TMEM135: variants seen among roughly 807,000 people sequenced by gnomAD.
TMEM135 encodes peroxisomal membrane protein 52.
In TMEM135, 30 loss-of-function variants were observed where a neutral mutation model predicts 60.3. The observed-to-expected ratio is 0.50, with a 90% CI of 0.37 to 0.68. The LOEUF is 0.68. TMEM135 is among the 30% of genes least tolerant of loss of function. The pLI is 0.00. For synonymous variants in TMEM135, 190 were observed against 186.7 expected, an observed-to-expected ratio of 1.02 and a Z score of -0.14; for missense variants, 468 against 548.8, an observed-to-expected ratio of 0.85 and a Z score of 1.47.
intron 1 of TMEM135, among the ~76,000 whole-genome samples, chr11:87,042,099 C>T (rs557360320): frequency 9.8e-5 from 15 of 152,326 alleles, no homozygotes; most frequent in South Asian, 2.1e-4. Flanking sequence ...CGTGTATACA[C>T]GGGAGCCTTC....
Position 87,122,900 on chromosome 11 carries a change from C to T in TMEM135, c.396+31505C>T, listed in dbSNP as rs78698223. ...CTCCCTTAAACATTAATGCTGAAGT[C>T]CAGAAGTTGAGTAACTTTTTCTATT... On this transcript the variant is annotated intron_variant, in intron 4 of 14. Coordinates refer to ENST00000305494, the MANE Select transcript of TMEM135 (RefSeq NM_022918.4). 1.6e-4 allele frequency among the ~76,000 whole-genome samples: 25 copies of T among 152,274 alleles called. No homozygotes were observed. In the East Asian group the frequency reaches 4.6e-3, roughly 28 times the overall value.
At chr11:87,210,231 G>A (rs543610209) in intron 5 of TMEM135, among the ~76,000 whole-genome samples, 5 of 152,204 alleles carry the variant, frequency 3.3e-5, no homozygotes, top group East Asian at 1.9e-4. Flanking sequence ...CCAAAAGTTC[G>A]TTCTTTGAAA....
intron 4 of TMEM135, among the ~76,000 whole-genome samples, chr11:87,147,007 A>T (rs1938434009): frequency 6.6e-6 from 1 of 152,138 alleles, no homozygotes; most frequent in South Asian, 2.1e-4. Context: ...TGCCTACGTG[A>T]TTAAAGGTAT....
chr11:87,317,586 T>C (rs1489872899), intron 12 of TMEM135, among the ~76,000 whole-genome samples: 1 of 152,138 alleles, frequency 6.6e-6, no homozygotes, highest in Non-Finnish European at 1.5e-5. Flanking sequence ...ATTCTTTTTA[T>C]GGCAATTCAG....
chr11:87,133,805 T>C (rs1308845119), intron 4 of TMEM135, among the ~76,000 whole-genome samples: 1 of 152,206 alleles, frequency 6.6e-6, no homozygotes, highest in East Asian at 1.9e-4. Context: ...CTCTCTTTTT[T>C]TATCTGGCCT....
chr11:87,308,116 C>A (rs1942582480), intron 9 of TMEM135, among the ~76,000 whole-genome samples: 1 of 152,028 alleles, frequency 6.6e-6, no homozygotes, highest in Non-Finnish European at 1.5e-5. Flanking sequence ...TAGTTGTTTT[C>A]TTTTCCAGTA....
At chr11:87,321,038 G>C (rs1166582187) in intron 14 of TMEM135, among the ~76,000 whole-genome samples, 163 bp from the exon 15 acceptor site, 1 of 152,028 alleles carries the variant, frequency 6.6e-6, no homozygotes, top group South Asian at 2.1e-4. Context: ...AGTGTATCTC[G>C]AAGAAGAGCC....
At chr11:87,043,289 C>T (rs796434022) in intron 1 of TMEM135, among the ~76,000 whole-genome samples, 1 of 151,816 alleles carries the variant, frequency 6.6e-6, no homozygotes, top group African/African-American at 2.4e-5. Context: ...CAGATTCTTA[C>T]ATATTTTGTG....
intron 6 of TMEM135, among the ~76,000 whole-genome samples, chr11:87,289,559 C>T (rs756774349): frequency 1.4e-5 from 2 of 146,832 alleles, no homozygotes; most frequent in Non-Finnish European, 3.0e-5. Context: ...CAGGTTCAAC[C>T]GATTCTCCTG....
intron 14 of TMEM135, among the ~76,000 whole-genome samples, chr11:87,320,066 CATT>C (rs1230221894): frequency 6.6e-6 from 1 of 152,086 alleles, no homozygotes; most frequent in Non-Finnish European, 1.5e-5. Flanking sequence ...GAATTGCTAT[CATT>C]ATTAATAATA....
chr11:87,242,754 C>T, intron 6 of TMEM135, among the ~76,000 whole-genome samples: 1 of 138,762 alleles, frequency 7.2e-6, no homozygotes, highest in African/African-American at 2.7e-5. Context: ...GGATATTAGC[C>T]CTTTGTCAGA....
chr11:87,037,964 G>A lies in TMEM135; in HGVS notation c.-82G>A. 2 of 1,598,768 alleles carry A rather than the reference G, an allele frequency of 1.3e-6. No individual in the cohort carries two copies. The highest frequency in any genetic ancestry group is 1.7e-6 in the Non-Finnish European group (2 of 1,174,558). ...GCACCTCCGAGTGCTGGCCGGGCGA[G>A]AGGCTGGCGGCTGGGCTCTCGCGCC... On this transcript the variant is annotated 5_prime_UTR_variant, in exon 1 of 15. Coordinates refer to ENST00000305494, the MANE Select transcript of TMEM135 (RefSeq NM_022918.4).
At chr11:87,267,064 A>T (rs1430155868) in intron 6 of TMEM135, among the ~76,000 whole-genome samples, 1 of 152,142 alleles carries the variant, frequency 6.6e-6, no homozygotes, top group Non-Finnish European at 1.5e-5. Flanking sequence ...GATAAGGAGG[A>T]TAGTGAGAAG....
intron 4 of TMEM135, among the ~76,000 whole-genome samples, chr11:87,144,756 T>G (rs202001007): frequency 2.0e-5 from 1 of 49,356 alleles, no homozygotes; most frequent in African/African-American, 1.2e-4. Context: ...CTTTCAAGAG[T>G]TTTTTTTTTT....
At chr11:87,119,992 A>C (rs928308684) in intron 4 of TMEM135, among the ~76,000 whole-genome samples, 4 of 152,172 alleles carry the variant, frequency 2.6e-5, no homozygotes, top group African/African-American at 4.8e-5. Flanking sequence ...AGGACTGAAA[A>C]TATTCATTTG....
intron 3 of TMEM135, among the ~76,000 whole-genome samples, chr11:87,073,646 A>G (rs1166157399): frequency 1.3e-5 from 2 of 152,058 alleles, no homozygotes; most frequent in African/African-American, 4.8e-5. Context: ...AAATAATGAT[A>G]ATCTATTTGT....
chr11:87,087,115 T>A (rs979956080), intron 3 of TMEM135, among the ~76,000 whole-genome samples: 1 of 151,946 alleles, frequency 6.6e-6, no homozygotes, highest in Non-Finnish European at 1.5e-5. Context: ...GGCCTGAAGG[T>A]GAGAAGAGAC....
At chr11:87,255,612 G>A (rs1319266480) in intron 6 of TMEM135, among the ~76,000 whole-genome samples, 1 of 151,684 alleles carries the variant, frequency 6.6e-6, no homozygotes. Flanking sequence ...AGTAGACACT[G>A]TACTCCAGCC....
chr11:87,281,617 G>A (rs1463257265), intron 6 of TMEM135, among the ~76,000 whole-genome samples: 1 of 152,220 alleles, frequency 6.6e-6, no homozygotes, highest in East Asian at 1.9e-4. Flanking sequence ...TACTTGGCGT[G>A]TATGGTAGAC....
Sources: allele counts gnomAD v4.1 joint callset (sites outside exome capture counted in the v4.1 genomes callset), GRCh38; gene constraint gnomAD v4.1.1; transcripts MANE v1.5; gene names NCBI Gene and HGNC (gene_info 2026-07-23, HGNC 2026-07-21).